KIAA0825: variants seen among roughly 807,000 people sequenced by gnomAD.
KIAA0825 encodes the protein uncharacterized protein KIAA0825.
KIAA0825 carries 119 observed loss-of-function variants against 147.6 expected under a neutral mutation model. The observed-to-expected ratio is 0.81, with a 90% CI of 0.69 to 0.94. The LOEUF is 0.94. KIAA0825 is among the 40% of genes least tolerant of loss of function. The pLI is 0.00. For missense variants in KIAA0825, 1,381 were observed against 1,472.7 expected, an observed-to-expected ratio of 0.94 and a Z score of 1.02; for synonymous variants, 470 against 518.1, an observed-to-expected ratio of 0.91 and a Z score of 1.26.
At chr5:94,423,953 A>G (rs888420139) in intron 14 of KIAA0825, among the ~76,000 whole-genome samples, 2 of 152,218 alleles carry the variant, frequency 1.3e-5, no homozygotes, top group Non-Finnish European at 2.9e-5. Flanking sequence ...TAGTTTAATA[A>G]CATTGAACTT....
rs546938383 is a variant in KIAA0825, at chr5:94,451,430, A to C, written c.2357+1529T>G. Among the ~76,000 whole-genome samples, 4 of 152,328 alleles carry C rather than the reference A, an allele frequency of 2.6e-5. No homozygotes were observed. The South Asian group carries it at 8.3e-4, about 32-fold the overall frequency. On this transcript the variant is annotated intron_variant, in intron 13 of 20. Transcript: ENST00000682413. The stretch of plus-strand genomic sequence containing the variant: ...AGAATTGTTAGATAAAAGGGCAAAA[A>C]TATTTTTAAGTTTTTAATACGTATT...
intron 20 of KIAA0825, among the ~76,000 whole-genome samples, chr5:94,342,192 T>A: frequency 6.6e-6 from 1 of 150,598 alleles, no homozygotes; most frequent in Admixed American, 6.6e-5. Context: ...CCAGACTCCG[T>A]CTCAAAAAAA....
chr5:94,418,675 T>C (rs1398223572), intron 14 of KIAA0825, among the ~76,000 whole-genome samples: 1 of 152,090 alleles, frequency 6.6e-6, no homozygotes, highest in African/African-American at 2.4e-5. Flanking sequence ...CTCTTTCTAC[T>C]GGGGTTATTA....
chr5:94,466,149 C>A (rs1451434481), intron 10 of KIAA0825, among the ~76,000 whole-genome samples: 1 of 151,624 alleles, frequency 6.6e-6, no homozygotes, highest in Non-Finnish European at 1.5e-5. Context: ...ATCTGCTGTT[C>A]TCTTATACCA....
At position 94,380,197 on chromosome 5, in the gene KIAA0825, A is replaced by C. The variant is rs1359913930; in HGVS notation, c.3710+4171T>G. Among the ~76,000 whole-genome samples, 10 of 152,304 alleles carry C rather than the reference A, an allele frequency of 6.6e-5. No homozygotes were observed. In the East Asian group the frequency reaches 1.7e-3, roughly 26 times the overall value. On this transcript the variant is annotated intron_variant, in intron 20 of 20. Transcript: ENST00000682413. ...GGCTATTACAACAGACATTTTAAAC[A>C]TACAGAGCTTAAATAACCTGACTTT...
At position 94,487,814 on chromosome 5, in the gene KIAA0825, C is replaced by T. The variant is rs544385376; in HGVS notation, c.971-2884G>A. On this transcript the variant is annotated intron_variant, in intron 5 of 20. Transcript: ENST00000682413. ...CAAACAAACAAACAAATTAGCTGGG[C>T]GTAGTGGCGTGAGCCTGTAGTTCCA... is the stretch of plus-strand genomic sequence containing the variant. 2.6e-5 allele frequency among the ~76,000 whole-genome samples: 4 copies of T among 152,204 alleles called. No individual in the cohort carries two copies. The East Asian group carries it at 7.7e-4, about 29-fold the overall frequency.
At chr5:94,610,753 G>A (rs1184496588) in intron 1 of KIAA0825, among the ~76,000 whole-genome samples, 5 of 101,452 alleles carry the variant, frequency 4.9e-5, no homozygotes, top group Non-Finnish European at 7.0e-5. Context: ...GACAGAGCGA[G>A]ACTCTATCTG....
At chr5:94,545,151 G>T (rs1437224424) in intron 2 of KIAA0825, among the ~76,000 whole-genome samples, 4 of 152,134 alleles carry the variant, frequency 2.6e-5, no homozygotes, top group Non-Finnish European at 5.9e-5. Context: ...CACCCATGGA[G>T]GGAACATTTG....
intron 12 of KIAA0825, among the ~76,000 whole-genome samples, chr5:94,454,566 C>A (rs192958997): frequency 2.8e-4 from 43 of 152,240 alleles, no homozygotes; most frequent in Middle Eastern, 3.4e-3. Flanking sequence ...GTAATATTTC[C>A]ATCCCATGTA....
At chr5:94,315,323 G>C (rs1013742499) in intron 20 of KIAA0825, among the ~76,000 whole-genome samples, 2 of 151,636 alleles carry the variant, frequency 1.3e-5, no homozygotes, top group African/African-American at 4.8e-5. Flanking sequence ...CTTTCTATCT[G>C]CTGAAAATCA....
At chr5:94,562,182 T>A (rs989800326) in intron 2 of KIAA0825, among the ~76,000 whole-genome samples, 1 of 152,242 alleles carries the variant, frequency 6.6e-6, no homozygotes, top group African/African-American at 2.4e-5. Context: ...CTTTAATATT[T>A]AATCTTCTGT....
At chr5:94,254,542 G>GT (rs1324594126) in intron 20 of KIAA0825, among the ~76,000 whole-genome samples, 2 of 152,160 alleles carry the variant, frequency 1.3e-5, no homozygotes, top group African/African-American at 2.4e-5. Flanking sequence ...CAAAAATGAG[G>GT]TTTTTAAAAT....
At chr5:94,266,886 G>C (rs1039172174) in intron 20 of KIAA0825, among the ~76,000 whole-genome samples, 4 of 152,004 alleles carry the variant, frequency 2.6e-5, no homozygotes, top group African/African-American at 9.7e-5. Flanking sequence ...GTTCTCTGGG[G>C]TCCTCAATAA....
At chr5:94,182,250 CT>C (rs771486226) in intron 20 of KIAA0825, among the ~76,000 whole-genome samples, 106 of 38,276 alleles carry the variant, frequency 2.8e-3, no homozygotes, top group African/African-American at 6.4e-3. Context: ...AATGTCCCTT[CT>C]TTTTTTTTTT....
At chr5:94,357,170 T>C (rs1298041089) in intron 20 of KIAA0825, among the ~76,000 whole-genome samples, 1 of 152,202 alleles carries the variant, frequency 6.6e-6, no homozygotes, top group African/African-American at 2.4e-5. Context: ...ATACAGTCCT[T>C]CGGTTAAAAC....
intron 20 of KIAA0825, among the ~76,000 whole-genome samples, chr5:94,341,396 A>G (rs544231642): frequency 6.6e-6 from 1 of 152,348 alleles, no homozygotes; most frequent in South Asian, 2.1e-4. Flanking sequence ...TTAGCTACCC[A>G]GCATCATCAT....
chr5:94,220,992 G>GT (rs1438830516), intron 20 of KIAA0825, among the ~76,000 whole-genome samples: 1 of 152,138 alleles, frequency 6.6e-6, no homozygotes, highest in African/African-American at 2.4e-5. Context: ...TTTTTGTGAT[G>GT]TTTTACATGT....
chr5:94,327,079 C>T (rs1260940251), intron 20 of KIAA0825, among the ~76,000 whole-genome samples: 1 of 152,116 alleles, frequency 6.6e-6, no homozygotes, highest in African/African-American at 2.4e-5. Flanking sequence ...TTGAGGGTAC[C>T]TATAGTTCTC....
intron 1 of KIAA0825, among the ~76,000 whole-genome samples, chr5:94,595,281 G>T (rs889210796): frequency 4.6e-5 from 7 of 152,190 alleles, no homozygotes; most frequent in African/African-American, 1.7e-4. Flanking sequence ...ATACATCTCT[G>T]AACTCTAAGC....
Sources: gnomAD v4.1 joint callset for allele counts (sites outside exome capture counted in the v4.1 genomes callset) on GRCh38, gnomAD v4.1.1 for gene constraint, MANE v1.5 for transcripts, NCBI Gene and HGNC (gene_info 2026-07-23, HGNC 2026-07-21) for gene names.